The following MBOAT2 variants were observed in gnomAD, a reference collection of about 807,000 sequenced individuals.
MBOAT2 encodes membrane-bound glycerophospholipid O-acyltransferase 2.
Under a neutral mutation model 63.4 loss-of-function variants are expected in MBOAT2, and 28 were observed. The observed-to-expected ratio is 0.44, with a 90% CI of 0.33 to 0.61. The LOEUF is 0.61. Among genes scored for constraint, MBOAT2 ranks in the 20% least tolerant of loss-of-function variants. MBOAT2 has a pLI of 0.03. For synonymous variants in MBOAT2, 211 were observed against 215.6 expected, an observed-to-expected ratio of 0.98 and a Z score of 0.19; for missense variants, 470 against 605.8, an observed-to-expected ratio of 0.78 and a Z score of 2.35.
rs1269412036 is a variant in MBOAT2, at chr2:8,860,522, G to A, written c.1337+91C>T. The A allele has an allele frequency of 2.4e-6, 3 of 1,252,534 alleles. No homozygotes were observed. In the Admixed American group the frequency reaches 6.5e-5, roughly 27 times the overall value. 77.6% of individuals were successfully genotyped at this position (1,252,534 alleles called of 1,614,324 possible). ...ATTTATCAGCAGGAAATGTGGCTAT[G>A]GTACTGTTTTTCTATTCTATCCAAT... is the stretch of plus-strand genomic sequence containing the variant. On this transcript the variant is annotated intron_variant, in intron 12 of 12. Coordinates refer to ENST00000305997, the MANE Select transcript of MBOAT2 (RefSeq NM_138799.4).
intron 1 of MBOAT2, among the ~76,000 whole-genome samples, chr2:8,966,165 T>C (rs13406025): frequency 0.021 from 3,160 of 152,294 alleles, 37 homozygotes; most frequent in Middle Eastern, 0.031. Flanking sequence ...GATCAAAGTG[T>C]ATATCAAAGT....
chr2:8,858,804 G>A lies in MBOAT2; in HGVS notation c.1438C>T (p.Leu480Phe). The A allele has an allele frequency of 1.2e-6, 2 of 1,614,010 alleles. No homozygotes were observed. The highest frequency in any genetic ancestry group is 8.5e-7 in the Non-Finnish European group (1 of 1,179,950). Residue 480 changes from leucine (L) to phenylalanine (F), a missense_variant, in exon 13 of 13, where the codon CTC becomes TTC. Leu to Phe is a conservative substitution (Grantham distance 22). Coordinates refer to ENST00000305997, the MANE Select transcript of MBOAT2 (RefSeq NM_138799.4). ...TCATCAAACTTTTTGGATTGTGAGAGCTGAATGTTTTCATGTGTATTCTTT... is the reference window on the plus strand; with the variant it reads ...TCATCAAACTTTTTGGATTGTGAGAACTGAATGTTTTCATGTGTATTCTTT... ...RRKNTHENIQ[L>F]SQSKKFDEGE...
intron 1 of MBOAT2, among the ~76,000 whole-genome samples, chr2:8,974,638 T>G (rs1573219766): frequency 6.6e-6 from 1 of 152,188 alleles, no homozygotes; most frequent in African/African-American, 2.4e-5. Context: ...GAGGATGTGG[T>G]AAAAGTGAGA....
chr2:8,920,169 T>C (rs186054518), intron 3 of MBOAT2, among the ~76,000 whole-genome samples: 3 of 152,194 alleles, frequency 2.0e-5, no homozygotes, highest in Admixed American at 6.5e-5. Context: ...TGAAGTTTTA[T>C]AGGTTTAGCT....
rs112274155 is a variant in MBOAT2, at chr2:8,889,896, C to A, written c.396-1823G>T. On this transcript the variant is annotated intron_variant, in intron 4 of 12. Coordinates refer to ENST00000305997, the MANE Select transcript of MBOAT2 (RefSeq NM_138799.4). The stretch of plus-strand genomic sequence containing the variant: ...CTGAACCCACATGCAACTTCTATTC[C>A]ATCAGGTGCAAAGGACACAGAAACT... 2.1e-3 allele frequency among the ~76,000 whole-genome samples: 320 copies of A among 152,264 alleles called. 2 individuals are homozygous for A. Among genetic ancestry groups the A allele is most frequent in the Non-Finnish European group, 2.3e-3 (154 of 68,016 alleles).
intron 1 of MBOAT2, among the ~76,000 whole-genome samples, chr2:9,002,215 T>C (rs1379887758): frequency 6.6e-6 from 1 of 152,234 alleles, no homozygotes; most frequent in Non-Finnish European, 1.5e-5. Context: ...ATTAGAACTC[T>C]TGTTCAAGAC....
At chr2:8,970,492 C>G (rs1670369306) in intron 1 of MBOAT2, among the ~76,000 whole-genome samples, 1 of 152,126 alleles carries the variant, frequency 6.6e-6, no homozygotes, top group South Asian at 2.1e-4. Context: ...ATCTGAAAAG[C>G]TAGCAGAAGG....
chr2:8,880,757 G>T (rs891000269), intron 6 of MBOAT2, among the ~76,000 whole-genome samples: 1 of 152,248 alleles, frequency 6.6e-6, no homozygotes, highest in African/African-American at 2.4e-5. Context: ...CTGGAAGGAA[G>T]TGAAGAAGGT....
chr2:8,891,220 C>G (rs1369028046), intron 4 of MBOAT2, among the ~76,000 whole-genome samples: 1 of 152,166 alleles, frequency 6.6e-6, no homozygotes, highest in Non-Finnish European at 1.5e-5. Flanking sequence ...CATGGAGAAA[C>G]AGAAAGACAG....
At chr2:8,936,028 T>C (rs764389492) in intron 3 of MBOAT2, among the ~76,000 whole-genome samples, 1 of 152,238 alleles carries the variant, frequency 6.6e-6, no homozygotes, top group Non-Finnish European at 1.5e-5. Flanking sequence ...TTTATTCTAC[T>C]GAATACGGTC....
intron 1 of MBOAT2, among the ~76,000 whole-genome samples, chr2:8,989,999 A>G (rs76586096): frequency 1.9e-3 from 295 of 152,308 alleles, no homozygotes; most frequent in African/African-American, 6.6e-3. Flanking sequence ...CAGAACCACA[A>G]CTGGAACACA....
rs938040663 is a variant in MBOAT2, at chr2:9,003,519, C to T, written c.75+21G>A. 1 of 1,188,934 alleles carries T rather than the reference C, an allele frequency of 8.4e-7. No homozygotes were observed. The allele number at this position is 1,188,934 out of a possible 1,614,324, so 73.6% of individuals were successfully genotyped here. On this transcript the variant is annotated intron_variant, in intron 1 of 12. Coordinates refer to ENST00000305997, the MANE Select transcript of MBOAT2 (RefSeq NM_138799.4). This position sits in a 1 kb window ranked among gnomAD's most constrained non-coding sequence, Gnocchi z 5.4. ...GGGGCGGCGAGGGCGCGACGCCCGG[C>T]GCCAGGGCGCCTCGGGGTACCTGGT...
At chr2:8,904,540 A>C (rs1665195368) in intron 4 of MBOAT2, among the ~76,000 whole-genome samples, 1 of 151,856 alleles carries the variant, frequency 6.6e-6, no homozygotes. Flanking sequence ...TGAACTCCTA[A>C]GCTCAAGTGA....
intron 1 of MBOAT2, among the ~76,000 whole-genome samples, chr2:8,981,440 G>A (rs117101567): frequency 1.3e-5 from 2 of 152,158 alleles, no homozygotes; most frequent in East Asian, 1.9e-4. Context: ...ATATGCTGTC[G>A]CCCCCAACAG....
chr2:8,862,440 A>G lies in MBOAT2; in HGVS notation c.1185+150T>C. The G allele has an allele frequency of 6.9e-6, 9 of 1,306,232 alleles. No individual in the cohort carries two copies. The South Asian group carries it at 1.3e-4, about 18-fold the overall frequency. The allele number at this position is 1,306,232 out of a possible 1,614,324, so 80.9% of individuals were successfully genotyped here. A position where few individuals can be genotyped will look rare whatever the true frequency, so the allele number is the denominator to read the frequency against. On this transcript the variant is annotated intron_variant, in intron 11 of 12. Coordinates refer to ENST00000305997, the MANE Select transcript of MBOAT2 (RefSeq NM_138799.4). This position sits in a 1 kb window ranked among gnomAD's most constrained non-coding sequence, Gnocchi z 4.3. ...AGCCCGTGGTGAGCGCTCAGCAAAC[A>G]TGCACGCAGTACACACCTCGCTTCT...
At position 8,873,185 on chromosome 2, in the gene MBOAT2, G is replaced by A. The variant is rs1036871251; in HGVS notation, c.806C>T (p.Ser269Leu). The A allele has an allele frequency of 1.1e-5, 17 of 1,614,050 alleles. No individual in the cohort carries two copies. The highest frequency in any genetic ancestry group is 1.3e-5 in the Non-Finnish European group (15 of 1,180,024). ...CAGATAGATAATCTTTGTTGGCCAC[G>A]AAGCTGTAGCTTGAAAATGCTCATC... ...NIDEHFQATASWPTKIIYLYI... is the reference protein window; with the variant it reads ...NIDEHFQATALWPTKIIYLYI... The change falls in exon 8 of 13, where the codon TCG (serine) becomes TTG (leucine). Residue 269 changes from serine to leucine, a missense_variant. By Grantham distance (145) the Ser-to-Leu change is moderately radical. Around this residue, in one of 3 missense-constraint regions of MBOAT2, gnomAD observed 376 missense variants for 503.8 expected, o/e 0.75. Transcript: ENST00000305997.
chr2:8,886,537 G>A (rs1663565543), intron 5 of MBOAT2, among the ~76,000 whole-genome samples: 1 of 152,206 alleles, frequency 6.6e-6, no homozygotes, highest in Non-Finnish European at 1.5e-5. Context: ...CAGGCCTGCA[G>A]CAAACTGTCT....
At chr2:8,951,743 G>T (rs532131281) in intron 2 of MBOAT2, among the ~76,000 whole-genome samples, 1 of 152,230 alleles carries the variant, frequency 6.6e-6, no homozygotes, top group Admixed American at 6.5e-5. Flanking sequence ...AGTCTCTGAG[G>T]ATCTTTTTGT....
intron 2 of MBOAT2, among the ~76,000 whole-genome samples, chr2:8,956,193 T>A (rs1265950230): frequency 6.6e-6 from 1 of 152,150 alleles, no homozygotes; most frequent in African/African-American, 2.4e-5. Context: ...AAAGGGAAGT[T>A]GTCAAAATCA....
Sources: allele counts gnomAD v4.1 joint callset (sites outside exome capture counted in the v4.1 genomes callset), GRCh38; gene constraint gnomAD v4.1.1; regional missense constraint gnomAD v4.1.1; non-coding constraint Gnocchi (gnomAD v3.1); transcripts MANE v1.5; gene names NCBI Gene and HGNC (gene_info 2026-07-23, HGNC 2026-07-21).